FAM13C: variants seen among roughly 807,000 people sequenced by gnomAD.
FAM13C encodes family with sequence similarity 13 member C.
A neutral mutation model predicts 73.2 loss-of-function variants in FAM13C; 37 were observed. That is an observed-to-expected ratio of 0.51 (90% CI 0.39 to 0.67). The LOEUF (loss-of-function observed/expected upper bound fraction) is 0.67, where lower values mean the gene tolerates loss of function less well. Ranked by LOEUF, FAM13C falls within the 30% of genes least tolerant of loss-of-function variation. The probability of loss-of-function intolerance (pLI) is 0.00; values close to 1 mark genes in which losing one functional copy is unlikely to be tolerated. For missense variants in FAM13C, 589 were observed against 715.6 expected (o/e 0.82, Z 2.02); for synonymous variants, 246 against 260.9 (o/e 0.94, Z 0.55).
chr10:59,348,416 A>C (rs1854591247), intron 3 of FAM13C, among the ~76,000 whole-genome samples: 1 of 152,244 alleles, frequency 6.6e-6, no homozygotes, highest in South Asian at 2.1e-4. Flanking sequence ...CTTATGAAAT[A>C]GTTCTATCAA....
At chr10:59,272,443 G>A (rs1039587554) in intron 6 of FAM13C, among the ~76,000 whole-genome samples, 1 of 152,240 alleles carries the variant, frequency 6.6e-6, no homozygotes, top group Non-Finnish European at 1.5e-5. Flanking sequence ...AGAGGCTAGT[G>A]TAGATTCAGA....
At chr10:59,291,784 CCT>C (rs1491290756) in intron 5 of FAM13C, among the ~76,000 whole-genome samples, 2 of 111,488 alleles carry the variant, frequency 1.8e-5, no homozygotes, top group Non-Finnish European at 3.4e-5. Context: ...TTATAAACTC[CCT>C]TTTTTTTTTT....
At chr10:59,279,664 C>T (rs1844714746) in intron 6 of FAM13C, among the ~76,000 whole-genome samples, 1 of 152,196 alleles carries the variant, frequency 6.6e-6, no homozygotes, top group Admixed American at 6.5e-5. Context: ...GTGGAAAAGA[C>T]AATCCTCATT....
intron 3 of FAM13C, among the ~76,000 whole-genome samples, chr10:59,347,642 A>C (rs1328766974): frequency 1.3e-5 from 2 of 151,992 alleles, no homozygotes; most frequent in African/African-American, 4.8e-5. Context: ...CCTGTCACCT[A>C]CATTAGGTAT....
At position 59,310,899 on chromosome 10, in the gene FAM13C, T is replaced by C. The variant is rs567224792; in HGVS notation, c.444-8035A>G. ...TCCAGAAAAGTAGGATGATGACATA[T>C]AGTTAAGAAGCACTCTAGGGGATTC... On this transcript the variant is annotated intron_variant, in intron 4 of 13. Transcript: ENST00000618804. 8.5e-5 allele frequency among the ~76,000 whole-genome samples: 13 copies of C among 152,270 alleles called. No individual in the cohort carries two copies. In the South Asian group the frequency reaches 1.0e-3, roughly 12 times the overall value.
chr10:59,264,995 G>A (rs1842876349), intron 8 of FAM13C, among the ~76,000 whole-genome samples: 3 of 151,896 alleles, frequency 2.0e-5, no homozygotes, highest in Admixed American at 2.0e-4. Flanking sequence ...CCAAATCTAG[G>A]GGTTCTGTCA....
intron 3 of FAM13C, among the ~76,000 whole-genome samples, chr10:59,345,220 C>T (rs1219585081): frequency 6.6e-6 from 1 of 152,122 alleles, no homozygotes; most frequent in East Asian, 1.9e-4. Context: ...CATCGATACG[C>T]TTGTGTTTAT....
At chr10:59,361,958 G>A (rs1297293274) in intron 1 of FAM13C, among the ~76,000 whole-genome samples, 1 of 152,158 alleles carries the variant, frequency 6.6e-6, no homozygotes, top group Non-Finnish European at 1.5e-5. Context: ...GTAGACAAGA[G>A]AGGGCCAAGA....
At chr10:59,257,184 T>C (rs1447880728) in intron 10 of FAM13C, among the ~76,000 whole-genome samples, 1 of 152,194 alleles carries the variant, frequency 6.6e-6, no homozygotes, top group Non-Finnish European at 1.5e-5. Context: ...GAGGACCATA[T>C]ATAGGACACA....
At chr10:59,328,249 G>A (rs1851452313) in intron 3 of FAM13C, among the ~76,000 whole-genome samples, 1 of 152,198 alleles carries the variant, frequency 6.6e-6, no homozygotes, top group Non-Finnish European at 1.5e-5. Context: ...AGGAGAGTGT[G>A]CATGATAACA....
rs760423793 is a variant in FAM13C, at chr10:59,352,266, C to T, written c.324+4G>A. 6.2e-7 allele frequency: 1 copy of T among 1,613,504 alleles called. No individual in the cohort carries two copies. Among genetic ancestry groups the T allele is most frequent in the East Asian group, 2.2e-5 (1 of 44,858 alleles). ...GCAAAAGCCTGAGAAGAGAGAGCTGCTACCTGACTTTCTCCGTGGCTCCTC... is the reference window on the plus strand; with the variant it reads ...GCAAAAGCCTGAGAAGAGAGAGCTGTTACCTGACTTTCTCCGTGGCTCCTC... On this transcript the variant is annotated splice_donor_region_variant and intron_variant, in intron 3 of 13. Coordinates refer to ENST00000618804, the MANE Select transcript of FAM13C (RefSeq NM_198215.4).
intron 8 of FAM13C, among the ~76,000 whole-genome samples, chr10:59,265,821 A>G (rs1266601416): frequency 6.6e-6 from 1 of 152,216 alleles, no homozygotes; most frequent in Admixed American, 6.5e-5. Context: ...TCAAACTCAC[A>G]TGGATGGCAG....
intron 1 of FAM13C, chr10:59,361,059 C>A (rs1418682580): frequency 2.3e-6 from 3 of 1,289,258 alleles, no homozygotes; most frequent in South Asian, 2.5e-5. Context: ...CAGGCCTCAT[C>A]TTCGGCCTGC....
rs554668639 is a variant in FAM13C, at chr10:59,286,869, C to T, written c.508-3422G>A. The stretch of plus-strand genomic sequence containing the variant: ...CTGACATGGTGAAACCCTATTTCTA[C>T]GAAAAAATACCAAAATTAACCGGGT... On this transcript the variant is annotated intron_variant, in intron 5 of 13. Coordinates refer to ENST00000618804, the MANE Select transcript of FAM13C (RefSeq NM_198215.4). Among the ~76,000 whole-genome samples, 155 of 149,744 alleles carry T rather than the reference C, an allele frequency of 1.0e-3. 1 individual carries two copies. Among genetic ancestry groups the T allele is most frequent in the Non-Finnish European group, 1.8e-3 (119 of 67,470 alleles).
In FAM13C at chr10:59,273,702, G is replaced by A. The variant is rs142218300; in HGVS notation, c.593-3593C>T. ...TTGACATAGAGGATGCCACATCTCTGACTTGGAAGCCAGAGTGTTTCTGGC... is the reference window on the plus strand; with the variant it reads ...TTGACATAGAGGATGCCACATCTCTAACTTGGAAGCCAGAGTGTTTCTGGC... On this transcript the variant is annotated intron_variant, in intron 6 of 13. Coordinates refer to ENST00000618804, the MANE Select transcript of FAM13C (RefSeq NM_198215.4). Among the ~76,000 whole-genome samples, 197 of 152,202 alleles carry A rather than the reference G, an allele frequency of 1.3e-3. 2 individuals are homozygous for A. Among genetic ancestry groups the A allele is most frequent in the Non-Finnish European group, 1.8e-3 (125 of 68,024 alleles).
chr10:59,308,508 C>T (rs1401932043), intron 4 of FAM13C, among the ~76,000 whole-genome samples: 2 of 151,412 alleles, frequency 1.3e-5, no homozygotes, highest in Non-Finnish European at 1.5e-5. Context: ...CCACCACTGC[C>T]ACCACCCACC....
rs906120543 is a variant in FAM13C at position 59,265,387 on chromosome 10, T to G, written c.943-1221A>C. ...TGACACGTGGCCATCAATCCCCAGC[T>G]CTCTAAAACAGCTTAGCCTAGTCCT... On this transcript the variant is annotated intron_variant, in intron 8 of 13. Transcript: ENST00000618804. Among the ~76,000 whole-genome samples, 17 of 118,804 alleles carry G rather than the reference T, an allele frequency of 1.4e-4. No homozygotes were observed. In the Admixed American group the frequency reaches 1.8e-3, roughly 13 times the overall value. 77.9% of individuals were successfully genotyped at this position (118,804 alleles called of 152,430 possible). A position where few individuals can be genotyped will look rare whatever the true frequency, so the allele number is the denominator to read the frequency against.
intron 3 of FAM13C, among the ~76,000 whole-genome samples, chr10:59,324,735 G>C (rs1377055519): frequency 1.3e-5 from 2 of 151,972 alleles, no homozygotes; most frequent in African/African-American, 2.4e-5. Context: ...AAGAGTCCTT[G>C]ATATCTCTCC....
chr10:59,291,584 A>G (rs1370867633), intron 5 of FAM13C, among the ~76,000 whole-genome samples: 1 of 152,160 alleles, frequency 6.6e-6, no homozygotes, highest in Non-Finnish European at 1.5e-5. Flanking sequence ...TCCTATCAGC[A>G]ATTCTTTTTA....
Sources: gnomAD v4.1 joint callset for allele counts (sites outside exome capture counted in the v4.1 genomes callset) on GRCh38, gnomAD v4.1.1 for gene constraint, MANE v1.5 for transcripts, NCBI Gene and HGNC (gene_info 2026-07-23, HGNC 2026-07-21) for gene names.